XIRP2: variants seen among roughly 807,000 people sequenced by gnomAD.
XIRP2 encodes xin actin-binding repeat-containing protein 2.
XIRP2 carries 236 observed loss-of-function variants against 277.0 expected under a neutral mutation model. The observed-to-expected ratio is 0.85, with a 90% CI of 0.77 to 0.95. XIRP2 has a LOEUF of 0.95. Ranked by LOEUF, XIRP2 falls within the 40% of genes least tolerant of loss-of-function variation. XIRP2 has a pLI of 0.00. For synonymous variants in XIRP2, 1,490 were observed against 1,416.5 expected, an observed-to-expected ratio of 1.05 and a Z score of -1.17; for missense variants, 4,640 against 4,157.5, an observed-to-expected ratio of 1.12 and a Z score of -3.19.
chr2:166,930,740 G>A (rs1020636834), intron 2 of XIRP2, among the ~76,000 whole-genome samples: 1 of 152,068 alleles, frequency 6.6e-6, no homozygotes, highest in Non-Finnish European at 1.5e-5. Context: ...AAAAATAATT[G>A]CAGTTGAAAT....
chr2:166,969,466 T>C (rs1369043874), intron 2 of XIRP2, among the ~76,000 whole-genome samples: 3 of 151,950 alleles, frequency 2.0e-5, no homozygotes, highest in Admixed American at 1.3e-4. Context: ...AACATGATAA[T>C]CTATTAAAAT....
rs1371941803 is a variant in XIRP2, at chr2:167,258,248, A to T, written c.*431A>T. 2 of 1,613,150 alleles carry T rather than the reference A, an allele frequency of 1.2e-6. No individual in the cohort carries two copies. The highest frequency in any genetic ancestry group is 1.7e-6 in the Non-Finnish European group (2 of 1,179,632). On this transcript the variant is annotated 3_prime_UTR_variant, in exon 11 of 11. Transcript: ENST00000409195. ...TAAACCTAAGTGGCCACCTGAAATG[A>T]CAACCCTGCTATCCCCTGAATTTAA...
At chr2:167,175,977 T>C (rs1168542593) in intron 3 of XIRP2, among the ~76,000 whole-genome samples, 1 of 152,134 alleles carries the variant, frequency 6.6e-6, no homozygotes. Flanking sequence ...CTTACCAAGT[T>C]TGAGCATCCC....
intron 2 of XIRP2, among the ~76,000 whole-genome samples, chr2:166,911,780 C>G (rs552865113): frequency 6.6e-6 from 1 of 152,264 alleles, no homozygotes; most frequent in African/African-American, 2.4e-5. Context: ...GTGCTTCCTT[C>G]AGGAGCTCTT....
chr2:167,159,884 A>G (rs1172482419), intron 3 of XIRP2, among the ~76,000 whole-genome samples: 1 of 152,206 alleles, frequency 6.6e-6, no homozygotes, highest in Non-Finnish European at 1.5e-5. Flanking sequence ...AGAATAAAAA[A>G]GGCTATGTGC....
At chr2:167,142,771 C>T (rs1004509898) in intron 3 of XIRP2, among the ~76,000 whole-genome samples, 2 of 152,020 alleles carry the variant, frequency 1.3e-5, no homozygotes, top group African/African-American at 2.4e-5. Context: ...CAAGTGCAGA[C>T]GGTGCTATGC....
At chr2:167,242,058 G>C in intron 8 of XIRP2, 148 bp downstream of exon 8, 1 of 1,030,916 alleles carries the variant, frequency 9.7e-7, no homozygotes, top group Non-Finnish European at 1.3e-6. Flanking sequence ...GGAGAATATT[G>C]ACCTGCATGC....
At chr2:167,114,132 T>C (rs1274033844) in intron 2 of XIRP2, among the ~76,000 whole-genome samples, 3 of 152,176 alleles carry the variant, frequency 2.0e-5, no homozygotes, top group African/African-American at 4.8e-5. Context: ...TGCAACATCT[T>C]GCAGGGGGTT....
chr2:166,963,716 C>G (rs1370813978), intron 2 of XIRP2, among the ~76,000 whole-genome samples: 6 of 151,732 alleles, frequency 4.0e-5, no homozygotes, highest in African/African-American at 1.5e-4. Flanking sequence ...ATAGCTGAAG[C>G]AGAGCAAAGA....
intron 2 of XIRP2, among the ~76,000 whole-genome samples, chr2:167,088,748 A>G (rs1402835455): frequency 6.6e-6 from 1 of 151,944 alleles, no homozygotes; most frequent in African/African-American, 2.4e-5. Context: ...CTTCAAACAC[A>G]TTTTCCTTTC....
At chr2:167,035,190 G>A (rs1039678501) in intron 2 of XIRP2, among the ~76,000 whole-genome samples, 2 of 152,182 alleles carry the variant, frequency 1.3e-5, no homozygotes, top group Admixed American at 1.3e-4. Context: ...GGTACCAGGA[G>A]TGGGGTGCTT....
At chr2:167,139,626 A>C (rs1328949289) in intron 3 of XIRP2, among the ~76,000 whole-genome samples, 1 of 152,112 alleles carries the variant, frequency 6.6e-6, no homozygotes. Flanking sequence ...ACGTGAGGGG[A>C]TCCTTCCAGT....
At chr2:167,078,629 G>A (rs1386433640) in intron 2 of XIRP2, among the ~76,000 whole-genome samples, 7 of 152,022 alleles carry the variant, frequency 4.6e-5, no homozygotes, top group Non-Finnish European at 8.8e-5. Flanking sequence ...GAGGTCAGGA[G>A]ATCAAGACCA....
At chr2:167,087,915 G>C (rs190940176) in intron 2 of XIRP2, among the ~76,000 whole-genome samples, 1 of 152,242 alleles carries the variant, frequency 6.6e-6, no homozygotes, top group Admixed American at 6.5e-5. Context: ...CGTCGCTCAC[G>C]CTGGGAGCTG....
chr2:167,117,032 G>T (rs905033355), intron 2 of XIRP2, among the ~76,000 whole-genome samples: 1 of 152,154 alleles, frequency 6.6e-6, no homozygotes, highest in Non-Finnish European at 1.5e-5. Flanking sequence ...TCCATCCTGG[G>T]CTGTGAAATA....
chr2:167,218,918 A>G (rs759604315), intron 5 of XIRP2, among the ~76,000 whole-genome samples: 1 of 152,202 alleles, frequency 6.6e-6, no homozygotes, highest in Non-Finnish European at 1.5e-5. Context: ...TCTTAGTAAT[A>G]AAACTCATCA....
intron 2 of XIRP2, among the ~76,000 whole-genome samples, chr2:167,027,746 T>C (rs1688213449): frequency 6.6e-6 from 1 of 152,104 alleles, no homozygotes; most frequent in African/African-American, 2.4e-5. Flanking sequence ...TAGCTGCAGG[T>C]CTGTTGGAGT....
chr2:166,958,028 G>A (rs1050510260), intron 2 of XIRP2, among the ~76,000 whole-genome samples: 15 of 151,828 alleles, frequency 9.9e-5, no homozygotes, highest in African/African-American at 3.6e-4. Context: ...AAAAGCTTGA[G>A]AATCCAACAT....
intron 3 of XIRP2, among the ~76,000 whole-genome samples, chr2:167,172,484 A>G (rs1692726572): frequency 6.6e-6 from 1 of 152,176 alleles, no homozygotes; most frequent in South Asian, 2.1e-4. Context: ...GCCTGGGAGC[A>G]CTATGGGAGA....
Sources: allele counts gnomAD v4.1 joint callset (sites outside exome capture counted in the v4.1 genomes callset), GRCh38; gene constraint gnomAD v4.1.1; transcripts MANE v1.5; gene names NCBI Gene and HGNC (gene_info 2026-07-23, HGNC 2026-07-21).